TMCC1: variants seen among roughly 807,000 people sequenced by gnomAD.
TMCC1 encodes the protein transmembrane and coiled-coil domain family 1, also known as transmembrane and coiled-coil domains protein 1.
A neutral mutation model predicts 52.4 loss-of-function variants in TMCC1; 15 were observed. The observed-to-expected ratio is 0.29, with a 90% confidence interval of 0.19 to 0.44. The LOEUF (loss-of-function observed/expected upper bound fraction) is 0.44, where lower values mean the gene tolerates loss of function less well. TMCC1 is among the 20% of genes least tolerant of loss of function. TMCC1 has a pLI of 1.00. For synonymous variants in TMCC1, 279 were observed against 301.9 expected, an observed-to-expected ratio of 0.92 and a Z score of 0.79; for missense variants, 503 against 806.0, an observed-to-expected ratio of 0.62 and a Z score of 4.55.
intron 4 of TMCC1, among the ~76,000 whole-genome samples, chr3:129,711,225 T>C (rs1253401578): frequency 1.3e-5 from 2 of 152,232 alleles, no homozygotes; most frequent in Admixed American, 6.5e-5. Context: ...CCAGAATCAC[T>C]TGCCGCTTAA....
chr3:129,821,835 C>T (rs1211646926), intron 4 of TMCC1, among the ~76,000 whole-genome samples: 8 of 152,008 alleles, frequency 5.3e-5, no homozygotes, highest in African/African-American at 1.9e-4. Context: ...GAGGCTGAGG[C>T]GGGTGGATGA....
At chr3:129,695,666 T>G (rs1277607596) in intron 4 of TMCC1, among the ~76,000 whole-genome samples, 3 of 152,028 alleles carry the variant, frequency 2.0e-5, no homozygotes, top group African/African-American at 4.8e-5. Context: ...TCCCACCAGG[T>G]CCCTCCAACA....
chr3:129,752,897 A>G (rs886685880), intron 4 of TMCC1, among the ~76,000 whole-genome samples: 2 of 152,166 alleles, frequency 1.3e-5, no homozygotes, highest in African/African-American at 2.4e-5. Context: ...ACTTACAATC[A>G]TGGCAGAACA....
intron 4 of TMCC1, among the ~76,000 whole-genome samples, chr3:129,686,513 C>T (rs2089420326): frequency 6.6e-6 from 1 of 152,152 alleles, no homozygotes. Flanking sequence ...AGTGCATTTG[C>T]AATATTGCCT....
intron 4 of TMCC1, among the ~76,000 whole-genome samples, chr3:129,727,274 G>A (rs1161914533): frequency 6.6e-6 from 1 of 151,900 alleles, no homozygotes; most frequent in African/African-American, 2.4e-5. Context: ...TTATTTCTTT[G>A]GAATGCTGTT....
intron 5 of TMCC1, chr3:129,656,821 G>A (rs2086697789): frequency 6.6e-6 from 1 of 152,180 alleles, no homozygotes; most frequent in South Asian, 2.1e-4. Context: ...AAAGTTCTCT[G>A]TGACTCTGCC....
chr3:129,811,761 T>C (rs1348652528), intron 4 of TMCC1, among the ~76,000 whole-genome samples: 1 of 147,530 alleles, frequency 6.8e-6, no homozygotes, highest in African/African-American at 2.5e-5. Flanking sequence ...CTGGCCAACA[T>C]GGCGAAACCC....
At chr3:129,892,035 G>A (rs958987955) in intron 1 of TMCC1, among the ~76,000 whole-genome samples, 1 of 152,200 alleles carries the variant, frequency 6.6e-6, no homozygotes, top group Non-Finnish European at 1.5e-5. Context: ...TCAGCGGTCT[G>A]TGCTTCTGTT....
At chr3:129,789,097 C>CTA (rs2056262656) in intron 4 of TMCC1, among the ~76,000 whole-genome samples, 1 of 152,072 alleles carries the variant, frequency 6.6e-6, no homozygotes, top group Non-Finnish European at 1.5e-5. Context: ...AAAGGTATGT[C>CTA]CTTCCATTAT....
chr3:129,840,296 C>A, intron 2 of TMCC1, among the ~76,000 whole-genome samples: 1 of 130,198 alleles, frequency 7.7e-6, no homozygotes, highest in South Asian at 2.4e-4. Context: ...TACTGTACTC[C>A]AACCAGGGTG....
intron 2 of TMCC1, among the ~76,000 whole-genome samples, chr3:129,856,954 C>T (rs1560559385): frequency 6.6e-6 from 1 of 151,982 alleles, no homozygotes; most frequent in African/African-American, 2.4e-5. Flanking sequence ...AATCTTGCTC[C>T]CTCACCCACA....
chr3:129,878,216 G>A (rs531406833), intron 2 of TMCC1, among the ~76,000 whole-genome samples: 14 of 151,968 alleles, frequency 9.2e-5, no homozygotes, highest in African/African-American at 3.4e-4. Context: ...TGCCCGCCTC[G>A]GCCTCCCAAA....
At chr3:129,856,837 T>C (rs938890471) in intron 2 of TMCC1, among the ~76,000 whole-genome samples, 2 of 152,200 alleles carry the variant, frequency 1.3e-5, no homozygotes, top group Non-Finnish European at 2.9e-5. Flanking sequence ...GTAAATATGT[T>C]GTGCCTAACC....
At chr3:129,676,917 C>T (rs570510436) in intron 4 of TMCC1, among the ~76,000 whole-genome samples, 12 of 152,108 alleles carry the variant, frequency 7.9e-5, no homozygotes, top group Non-Finnish European at 8.8e-5. Context: ...ATCACTTAAC[C>T]TGGCCTGTAC....
intron 6 of TMCC1, 129 bp downstream of exon 6, chr3:129,654,839 A>C: frequency 7.9e-7 from 1 of 1,270,958 alleles, no homozygotes; most frequent in Non-Finnish European, 1.1e-6. Context: ...AAGAGTAGGT[A>C]TACTCTTACA....
At position 129,878,143 on chromosome 3, in the gene TMCC1, T is replaced by TA. The variant is rs758516115; in HGVS notation, c.-184+2165dup. 4.6e-5 allele frequency among the ~76,000 whole-genome samples: 7 copies of TA among 151,248 alleles called. No homozygotes were observed. The East Asian group carries it at 1.4e-3, about 30-fold the overall frequency. On this transcript the variant is annotated intron_variant, in intron 2 of 6. Coordinates refer to ENST00000393238, the MANE Select transcript of TMCC1 (RefSeq NM_001017395.5). The stretch of plus-strand genomic sequence containing the variant: ...CTAGGTAATTTTTTACTTTTTTTTT[T>TA]AGTAGAGATGGGGTTTCACGACATT...
intron 4 of TMCC1, among the ~76,000 whole-genome samples, chr3:129,726,893 A>AAAAAAAAAAAAAAAAAAAAAAAC (rs1560278979): frequency 1.4e-5 from 2 of 144,356 alleles, no homozygotes; most frequent in African/African-American, 2.5e-5. Context: ...AAAAAAAAAA[A>AAAAAAAAAAAAAAAAAAAAAAAC]AAAAAGAACC....
chr3:129,805,711 T>C (rs1052529202), intron 4 of TMCC1, among the ~76,000 whole-genome samples: 9 of 151,790 alleles, frequency 5.9e-5, no homozygotes, highest in African/African-American at 1.9e-4. Flanking sequence ...GGCAGGAGGA[T>C]TGCTTGAGGT....
At chr3:129,727,486 G>T (rs1290631520) in intron 4 of TMCC1, among the ~76,000 whole-genome samples, 1 of 152,156 alleles carries the variant, frequency 6.6e-6, no homozygotes, top group East Asian at 1.9e-4. Context: ...TTATAAAGAT[G>T]TAAGTCTATA....
Sources: gnomAD v4.1 joint callset for allele counts (sites outside exome capture counted in the v4.1 genomes callset) on GRCh38, gnomAD v4.1.1 for gene constraint, MANE v1.5 for transcripts, NCBI Gene and HGNC (gene_info 2026-07-23, HGNC 2026-07-21) for gene names.